Variants in LZTR1 observed in about 807,000 individuals in gnomAD.
LZTR1 encodes leucine zipper like post translational regulator 1.
LZTR1 carries 260 observed loss-of-function variants against 105.7 expected under a neutral mutation model. The observed-to-expected ratio is 2.46, with a 90% CI of 2.22 to 2.72. The LOEUF (loss-of-function observed/expected upper bound fraction) is 2.72, where lower values mean the gene tolerates loss of function less well. Ranked by LOEUF, LZTR1 falls within the 30% of genes most tolerant of loss-of-function variation. The pLI is 0.00. For missense variants in LZTR1, 1,214 were observed against 1,166.9 expected (o/e 1.04, Z -0.59); for synonymous variants, 490 against 476.4 (o/e 1.03, Z -0.37).
Position 20,989,659 on chromosome 22 carries a change from CGA to C in LZTR1, c.632_633del (p.Glu211AlafsTer48). On this transcript the variant is annotated frameshift_variant, in exon 7 of 21. Coordinates refer to ENST00000646124, the MANE Select transcript of LZTR1 (RefSeq NM_006767.4). LOFTEE classifies it high-confidence loss of function. ...CATGTGGACAATTGGCCTCCAGGAC[CGA>C]GAGCTCACCTGCTGGGAGGAGGTGA... ...NDMWTIGLQD[R>X]ELTCWEEVAQ... is the part of the protein sequence containing the mutation. The C allele has an allele frequency of 6.2e-7, 1 of 1,613,116 alleles. No individual in the cohort carries two copies. The highest frequency in any genetic ancestry group is 1.1e-5 in the South Asian group (1 of 91,052).
Position 20,994,631 on chromosome 22 carries a change from G to A in LZTR1, c.1689G>A (p.Glu563=), listed in dbSNP as rs977829129. The A allele has an allele frequency of 6.8e-6, 11 of 1,612,616 alleles. No individual in the cohort carries two copies. Among genetic ancestry groups the A allele is most frequent in the Admixed American group, 1.7e-5 (1 of 59,998 alleles). Residue 563 remains glutamate, a synonymous_variant, in exon 15 of 21, where the codon GAG becomes GAA. Transcript: ENST00000646124. ...LALSFQLCRL[E]QLCRQYIEAS... ...TGAGCTTCCAGTTGTGCCGCCTGGA[G>A]CAGCTGTGCCGCCAGTACATCGAGG...
In LZTR1 at chr22:20,989,698, AGCCAGGGCGCAGG is replaced by A. The variant is rs751487049; in HGVS notation, c.651+17_651+29del. The A allele has an allele frequency of 4.7e-6, 2 of 428,948 alleles. No individual in the cohort carries two copies. The highest frequency in any genetic ancestry group is 1.0e-4 in the African/African-American group (1 of 9,960). The allele number at this position is 428,948 out of a possible 1,614,324, so 26.6% of individuals were successfully genotyped here. Reference sequence around the variant, plus strand: ...CTGGGAGGAGGTGAGGGGCGTGGGGAGCCAGGGCGCAGGTAGAGGAGGTGAGGGGCACGGGGAG... The same window carrying A: ...CTGGGAGGAGGTGAGGGGCGTGGGGATAGAGGAGGTGAGGGGCACGGGGAG... On this transcript the variant is annotated intron_variant, in intron 7 of 20. Coordinates refer to ENST00000646124, the MANE Select transcript of LZTR1 (RefSeq NM_006767.4).
chr22:20,992,757 C>A, intron 10 of LZTR1, 37 bp from the exon 11 acceptor site: 1 of 1,316,008 alleles, frequency 7.6e-7, no homozygotes, highest in Non-Finnish European at 1.1e-6. Flanking sequence ...GGAGGCTCTG[C>A]TCCCCCACCA....
chr22:20,997,543 C>T lies in LZTR1; in HGVS notation c.*195C>T. On this transcript the variant is annotated 3_prime_UTR_variant, in exon 21 of 21. Coordinates refer to ENST00000646124, the MANE Select transcript of LZTR1 (RefSeq NM_006767.4). ...CATTAATTCACTGAAGACACAGGTCCCACAGGGAGCGGATGATGAAGCAGA... is the reference window on the plus strand; with the variant it reads ...CATTAATTCACTGAAGACACAGGTCTCACAGGGAGCGGATGATGAAGCAGA... 1.8e-6 allele frequency: 1 copy of T among 555,194 alleles called. No homozygotes were observed. The highest frequency in any genetic ancestry group is 2.1e-5 in the South Asian group (1 of 48,072). 34.4% of individuals were successfully genotyped at this position (555,194 alleles called of 1,614,324 possible).
chr22:20,995,109 C>T, intron 16 of LZTR1, 83 bp downstream of exon 16: 1 of 1,471,534 alleles, frequency 6.8e-7, no homozygotes, highest in African/African-American at 1.4e-5. Context: ...ATGGAGAGCA[C>T]CTGCCAGGCC....
chr22:20,985,997 G>C, intron 3 of LZTR1, 100 bp downstream of exon 3: 1 of 1,295,572 alleles, frequency 7.7e-7, no homozygotes, highest in Non-Finnish European at 1.1e-6. Context: ...ATCATGGGAA[G>C]CTAGAAAGAA....
chr22:20,994,895 A>C lies in LZTR1; in HGVS notation c.1811A>C (p.Lys604Thr), dbSNP rs1212604192. Residue 604 changes from lysine to threonine, a missense_variant, in exon 16 of 21, where the codon AAG becomes ACG. Transcript: ENST00000646124. ...GAGCACTGCCTGAACTTCGTGGTAA[A>C]GGAGTCCCACTTCAACCAGGTGATC... is the stretch of plus-strand genomic sequence containing the variant. Reference protein sequence around the residue: ...LKEHCLNFVVKESHFNQVIMM... With the variant: ...LKEHCLNFVVTESHFNQVIMM... 1 of 1,613,262 alleles carries C rather than the reference A, an allele frequency of 6.2e-7. No homozygotes were observed. Among genetic ancestry groups the C allele is most frequent in the African/African-American group, 1.3e-5 (1 of 74,920 alleles).
At position 20,990,504 on chromosome 22, in the gene LZTR1, A is replaced by C; in HGVS notation, c.770A>C (p.Gln257Pro). 2 of 1,612,956 alleles carry C rather than the reference A, an allele frequency of 1.2e-6. No individual in the cohort carries two copies. The highest frequency in any genetic ancestry group is 1.7e-6 in the Non-Finnish European group (2 of 1,179,358). Residue 257 changes from glutamine to proline, a missense_variant, in exon 8 of 21, where the codon CAG becomes CCG. By Grantham distance (76) the Gln-to-Pro change is moderately conservative (BLOSUM62 -1). Transcript: ENST00000646124. ...GCCAAAATAACCAACAACCTCTTCC[A>C]GTTTGAATTCAAGGACAAGACGTGA... ...SGAKITNNLF[Q>P]FEFKDKTWTR...
rs769001939 is a variant in LZTR1 at position 20,987,536 on chromosome 22, G to C, written c.353G>C (p.Arg118Pro). The C allele has an allele frequency of 1.9e-6, 3 of 1,613,898 alleles. No homozygotes were observed. Among genetic ancestry groups the C allele is most frequent in the Non-Finnish European group, 2.5e-6 (3 of 1,179,998 alleles). Residue 118 changes from arginine to proline, a missense_variant, in exon 4 of 21, where the codon CGT (arginine) becomes CCT (proline). Physicochemically the swap from Arg to Pro is moderately radical, Grantham distance 103. Coordinates refer to ENST00000646124, the MANE Select transcript of LZTR1 (RefSeq NM_006767.4). ...AFTTGTPPAP[R>P]YHHSAVVYGS... ...ACCACTGGGACCCCACCGGCCCCCC[G>C]TTACCACCACTCGGCCGTCGTCTAT...
chr22:20,982,887 G>C (rs546923802), intron 1 of LZTR1, 140 bp from the exon 2 acceptor site: 53 of 707,666 alleles, frequency 7.5e-5, no homozygotes, highest in South Asian at 6.5e-4. Context: ...AGGATGATTG[G>C]TGTTATCTTA....
intron 2 of LZTR1, 112 bp from the exon 3 acceptor site, chr22:20,985,729 A>T (rs773457339): frequency 9.5e-5 from 90 of 948,244 alleles, no homozygotes; most frequent in Non-Finnish European, 1.4e-4. Context: ...TGTGTTAGTG[A>T]CCCAGCCCAC....
Position 20,994,903 on chromosome 22 carries a change from C to G in LZTR1, c.1819C>G (p.His607Asp). 6.2e-7 allele frequency: 1 copy of G among 1,613,420 alleles called. No homozygotes were observed. Among genetic ancestry groups the G allele is most frequent in the Non-Finnish European group, 8.5e-7 (1 of 1,179,998 alleles). Residue 607 changes from histidine (H) to aspartate (D), a missense_variant, in exon 16 of 21, where the codon CAC becomes GAC. Transcript: ENST00000646124. ...HCLNFVVKES[H>D]FNQVIMMKEF... ...CCTGAACTTCGTGGTAAAGGAGTCC[C>G]ACTTCAACCAGGTGATCATGATGAA...
In LZTR1 at chr22:20,990,367, C is replaced by CGACA; in HGVS notation, c.652-19_652-18insGACA. 1 of 1,613,870 alleles carries CGACA rather than the reference C, an allele frequency of 6.2e-7. No individual in the cohort carries two copies. Among genetic ancestry groups the CGACA allele is most frequent in the Non-Finnish European group, 8.5e-7 (1 of 1,179,904 alleles). On this transcript the variant is annotated intron_variant, in intron 7 of 20. Coordinates refer to ENST00000646124, the MANE Select transcript of LZTR1 (RefSeq NM_006767.4). ...CGGGCCCTGTGAGGCCGGGGCTGAG[C>CGACA]TGTCCTCTCCCCCTGCAGGTGGCCC...
At position 20,998,694 on chromosome 22, in the gene LZTR1, G is replaced by A. The variant is rs954389352; in HGVS notation, c.*1346G>A. The stretch of plus-strand genomic sequence containing the variant: ...GAGCAGGAGCTGGGGCAGAGGCTGA[G>A]CCGGGAGGCCCTTGAGGTGAGGACA... On this transcript the variant is annotated 3_prime_UTR_variant, in exon 21 of 21. Coordinates refer to ENST00000646124, the MANE Select transcript of LZTR1 (RefSeq NM_006767.4). 1.3e-5 allele frequency: 2 copies of A among 152,972 alleles called. No individual in the cohort carries two copies. The highest frequency in any genetic ancestry group is 4.8e-5 in the African/African-American group (2 of 41,486). The allele number at this position is 152,972 out of a possible 1,614,324, so 9.5% of individuals were successfully genotyped here. A position where few individuals can be genotyped will look rare whatever the true frequency, so the allele number is the denominator to read the frequency against.
At position 20,992,283 on chromosome 22, in the gene LZTR1, C is replaced by T. The variant is rs371593909; in HGVS notation, c.1063C>T (p.Arg355Trp). Residue 355 changes from arginine to tryptophan, a missense_variant, in exon 10 of 21, where the codon CGG becomes TGG. By Grantham distance (101) the Arg-to-Trp change is moderately radical. Transcript: ENST00000646124. ...EEVPTLTYEE[R>W]VGFKKSRDVF... Reference sequence around the variant, plus strand: ...GGTGCCCACCCTGACCTATGAGGAGCGGGTTGGCTTCAAGAAGTCCCGAGA... The same window carrying T: ...GGTGCCCACCCTGACCTATGAGGAGTGGGTTGGCTTCAAGAAGTCCCGAGA... 5 of 1,613,846 alleles carry T rather than the reference C, an allele frequency of 3.1e-6. No individual in the cohort carries two copies. The highest frequency in any genetic ancestry group is 1.3e-5 in the African/African-American group (1 of 74,910).
Position 20,982,347 on chromosome 22 carries a change from G to A in LZTR1, c.-25G>A. On this transcript the variant is annotated 5_prime_UTR_variant, in exon 1 of 21. Coordinates refer to ENST00000646124, the MANE Select transcript of LZTR1 (RefSeq NM_006767.4). ...GGTGGCCGCAAGTTGGGCTTACAGCGCGGCCGATCCGGCGTGGACCCGGGA... is the reference window on the plus strand; with the variant it reads ...GGTGGCCGCAAGTTGGGCTTACAGCACGGCCGATCCGGCGTGGACCCGGGA... The A allele has an allele frequency of 2.0e-6, 3 of 1,532,286 alleles. No homozygotes were observed. The highest frequency in any genetic ancestry group is 1.8e-6 in the Non-Finnish European group (2 of 1,136,222). 94.9% of individuals were successfully genotyped at this position (1,532,286 alleles called of 1,614,324 possible).
At chr22:20,994,418 G>A (rs963297094) in intron 14 of LZTR1, 140 bp from the exon 15 acceptor site, 1 of 1,251,260 alleles carries the variant, frequency 8.0e-7, no homozygotes, top group African/African-American at 1.5e-5. Context: ...GATCACTGCA[G>A]CTGGACGCCA....
At position 20,989,659 on chromosome 22, in the gene LZTR1, C is replaced by A. The variant is rs150419186; in HGVS notation, c.628C>A (p.Arg210=). 3.1e-6 allele frequency: 5 copies of A among 1,613,000 alleles called. No homozygotes were observed. The highest frequency in any genetic ancestry group is 3.4e-6 in the Non-Finnish European group (4 of 1,179,886). The change falls in exon 7 of 21, where the codon CGA becomes AGA. Residue 210 remains arginine (R), a synonymous_variant. Coordinates refer to ENST00000646124, the MANE Select transcript of LZTR1 (RefSeq NM_006767.4). ...NDMWTIGLQD[R]ELTCWEEVAQ... is the part of the protein sequence containing the mutation. ...CATGTGGACAATTGGCCTCCAGGAC[C>A]GAGAGCTCACCTGCTGGGAGGAGGT... is the stretch of plus-strand genomic sequence containing the variant.
At chr22:20,996,176 G>A (rs983755730) in intron 18 of LZTR1, 64 bp downstream of exon 18, 4 of 1,556,710 alleles carry the variant, frequency 2.6e-6, no homozygotes, top group African/African-American at 1.4e-5. Flanking sequence ...CACCTCAGGT[G>A]GCTTTGAGGC....
Sources: allele counts gnomAD v4.1 joint callset, GRCh38; gene constraint gnomAD v4.1.1; transcripts MANE v1.5; gene names NCBI Gene and HGNC (gene_info 2026-07-23, HGNC 2026-07-21).